Variants in CSNK1D observed in about 807,000 individuals in gnomAD.
The protein encoded by CSNK1D is casein kinase 1 delta, also known as casein kinase I isoform delta.
CSNK1D carries 16 observed loss-of-function variants against 46.6 expected under a neutral mutation model. That is an observed-to-expected ratio of 0.34 (90% CI 0.23 to 0.52). The LOEUF is 0.52. Among genes scored for constraint, CSNK1D ranks in the 20% least tolerant of loss-of-function variants. The pLI, the probability that CSNK1D is intolerant of heterozygous loss-of-function variation, is 0.95. For synonymous variants in CSNK1D, 276 were observed against 228.2 expected, an observed-to-expected ratio of 1.21 and a Z score of -1.89; for missense variants, 398 against 578.4, an observed-to-expected ratio of 0.69 and a Z score of 3.20.
In CSNK1D at chr17:82,248,553, T is replaced by C. The variant is rs1384388698; in HGVS notation, c.1197+322A>G. The stretch of plus-strand genomic sequence containing the variant: ...CAATGGGGCGCAAGCAGGCGAGCGG[T>C]GTCAGCTGCCTGGGGACGGCTGCGG... On this transcript the variant is annotated intron_variant, in intron 8 of 8. Transcript: ENST00000314028. This position sits in a 1 kb window ranked among gnomAD's most constrained non-coding sequence, Gnocchi z 4.1. 2.5e-6 allele frequency: 3 copies of C among 1,191,784 alleles called. No individual in the cohort carries two copies. The highest frequency in any genetic ancestry group is 1.1e-4 in the East Asian group (2 of 18,772). The allele number at this position is 1,191,784 out of a possible 1,614,324, so 73.8% of individuals were successfully genotyped here.
chr17:82,271,858 AC>A (rs1452819332), intron 1 of CSNK1D, among the ~76,000 whole-genome samples: 1 of 152,168 alleles, frequency 6.6e-6, no homozygotes, highest in Admixed American at 6.5e-5. Flanking sequence ...GGGATTCCTG[AC>A]CCTAGCTGAC....
chr17:82,240,081 G>A (rs1024960066), downstream of CSNK1D: 29 of 1,233,402 alleles, frequency 2.4e-5, no homozygotes, highest in African/African-American at 9.3e-5. Flanking sequence ...AAAAGCAAGC[G>A]AAAAGTGCAC....
At chr17:82,256,383 C>T (rs560940893) in intron 2 of CSNK1D, among the ~76,000 whole-genome samples, 18 of 152,040 alleles carry the variant, frequency 1.2e-4, no homozygotes, top group Middle Eastern at 3.4e-3. Flanking sequence ...TGTGGTGGCA[C>T]GCTTCTGTGG....
At chr17:82,260,577 T>C (rs1035882468) in intron 2 of CSNK1D, among the ~76,000 whole-genome samples, 2 of 147,764 alleles carry the variant, frequency 1.4e-5, no homozygotes, top group African/African-American at 2.5e-5. Context: ...GTGATGGGAC[T>C]GATGGTGTAC....
At chr17:82,260,899 G>C (rs1382418694) in intron 2 of CSNK1D, 2 of 155,068 alleles carry the variant, frequency 1.3e-5, no homozygotes, top group African/African-American at 4.8e-5. Context: ...TCTTTAACAG[G>C]GGTCCTGCTG....
rs1327043892 is a variant in CSNK1D at position 82,243,612 on chromosome 17, G to A, written c.*1169C>T. The A allele has an allele frequency of 3.0e-5, 30 of 985,394 alleles. No homozygotes were observed. The highest frequency in any genetic ancestry group is 1.1e-4 in the East Asian group (1 of 8,830). 61.0% of individuals were successfully genotyped at this position (985,394 alleles called of 1,614,324 possible). A position where few individuals can be genotyped will look rare whatever the true frequency, so the allele number is the denominator to read the frequency against. On this transcript the variant is annotated 3_prime_UTR_variant, in exon 9 of 9. Coordinates refer to ENST00000314028, the MANE Select transcript of CSNK1D (RefSeq NM_001893.6). ...TTCTGGCCGTGAAGGTTCTGGGTCCGGTTGGGAGAGTCACCTGCTCCTTGG... is the reference window on the plus strand; with the variant it reads ...TTCTGGCCGTGAAGGTTCTGGGTCCAGTTGGGAGAGTCACCTGCTCCTTGG...
chr17:82,240,776 G>A (rs113586113), downstream of CSNK1D, among the ~76,000 whole-genome samples: 2,319 of 152,306 alleles, frequency 0.015, 50 homozygotes, highest in African/African-American at 0.052. Context: ...AGGCAGCCAC[G>A]CTTGGTTGGG....
At position 82,252,998 on chromosome 17, in the gene CSNK1D, C is replaced by T. The variant is rs1426283454; in HGVS notation, c.565+18G>A. Reference sequence around the variant, plus strand: ...CCAAAGGCACCCCAGGTCAGTGACCCCATGCCCAGGGGCTCACCAATTCCA... The same window carrying T: ...CCAAAGGCACCCCAGGTCAGTGACCTCATGCCCAGGGGCTCACCAATTCCA... On this transcript the variant is annotated intron_variant, in intron 4 of 8. Transcript: ENST00000314028. The surrounding 1 kb of genome is among the most constrained non-coding windows in gnomAD (Gnocchi z 4.6). 6.2e-7 allele frequency: 1 copy of T among 1,611,346 alleles called. No individual in the cohort carries two copies. Among genetic ancestry groups the T allele is most frequent in the Admixed American group, 1.7e-5 (1 of 60,002 alleles).
chr17:82,240,797 G>C (rs893516459), downstream of CSNK1D, among the ~76,000 whole-genome samples: 1 of 152,176 alleles, frequency 6.6e-6, no homozygotes, highest in Non-Finnish European at 1.5e-5. Context: ...GGCACAGGAC[G>C]TGTGGGGGCT....
chr17:82,254,834 AGCCGCCGGGGCCTCGAGAAGCCAGTGT>A (rs2051126533), intron 3 of CSNK1D, among the ~76,000 whole-genome samples: 3 of 121,032 alleles, frequency 2.5e-5, no homozygotes, highest in Non-Finnish European at 3.3e-5. Context: ...CAGTCAGCTG[AGCCGCCGGGGCCTCGAGAAGCCAGTGT>A]GCTGAGCCGC....
Position 82,252,427 on chromosome 17 carries a change from G to A in CSNK1D, c.736+7C>T. 1.2e-6 allele frequency: 2 copies of A among 1,614,076 alleles called. No individual in the cohort carries two copies. The highest frequency in any genetic ancestry group is 1.7e-6 in the Non-Finnish European group (2 of 1,179,984). On this transcript the variant is annotated splice_region_variant and intron_variant, in intron 5 of 8. Transcript: ENST00000314028. The surrounding 1 kb of genome is among the most constrained non-coding windows in gnomAD (Gnocchi z 4.6). Reference sequence around the variant, plus strand: ...GCTCCGCTGAGAAGAGGCCTCCAGAGACTTACAAGGGTAGCCTTTACACAA... The same window carrying A: ...GCTCCGCTGAGAAGAGGCCTCCAGAAACTTACAAGGGTAGCCTTTACACAA...
intron 3 of CSNK1D, among the ~76,000 whole-genome samples, chr17:82,254,893 C>G (rs9747923): frequency 0.11 from 9,786 of 91,760 alleles, 1,280 homozygotes; most frequent in East Asian, 0.21. Flanking sequence ...AGAAGCCAGT[C>G]AGCTGAGCCG....
chr17:82,244,698 G>A lies in CSNK1D; in HGVS notation c.*83C>T. 1 of 1,608,732 alleles carries A rather than the reference G, an allele frequency of 6.2e-7. No individual in the cohort carries two copies. The highest frequency in any genetic ancestry group is 8.5e-7 in the Non-Finnish European group (1 of 1,179,044). On this transcript the variant is annotated 3_prime_UTR_variant, in exon 9 of 9. Transcript: ENST00000314028. ...GTGTTAACATTTCGATCCTAGACCG[G>A]GGGACGTGTCACTAGTAAAGCCATT...
At position 82,248,748 on chromosome 17, in the gene CSNK1D, C is replaced by T. The variant is rs764911172; in HGVS notation, c.1197+127G>A. 149 of 1,510,560 alleles carry T rather than the reference C, an allele frequency of 9.9e-5. No individual in the cohort carries two copies. Among genetic ancestry groups the T allele is most frequent in the Middle Eastern group, 5.1e-4 (3 of 5,884 alleles). The allele number at this position is 1,510,560 out of a possible 1,614,324, so 93.6% of individuals were successfully genotyped here. A position where few individuals can be genotyped will look rare whatever the true frequency, so the allele number is the denominator to read the frequency against. Reference sequence around the variant, plus strand: ...CTGCAACCAAGACGCCACACCCTGGCGAGATTAAAAACTCTCAAAAATGGG... The same window carrying T: ...CTGCAACCAAGACGCCACACCCTGGTGAGATTAAAAACTCTCAAAAATGGG... On this transcript the variant is annotated intron_variant, in intron 8 of 8. Transcript: ENST00000314028. This position sits in a 1 kb window ranked among gnomAD's most constrained non-coding sequence, Gnocchi z 4.1.
At position 82,262,526 on chromosome 17, in the gene CSNK1D, T is replaced by C. The variant is rs117724003; in HGVS notation, c.187+3160A>G. Among the ~76,000 whole-genome samples, 3 of 152,318 alleles carry C rather than the reference T, an allele frequency of 2.0e-5. No individual in the cohort carries two copies. The East Asian group carries it at 5.8e-4, about 29-fold the overall frequency. ...TCAAGCAAACGTAAAGATCAGAACC[T>C]GGCACCACCACTTGACTTTCACGTG... On this transcript the variant is annotated intron_variant, in intron 2 of 8. Coordinates refer to ENST00000314028, the MANE Select transcript of CSNK1D (RefSeq NM_001893.6).
intron 1 of CSNK1D, among the ~76,000 whole-genome samples, chr17:82,272,528 C>T (rs1599628454): frequency 6.6e-6 from 1 of 152,222 alleles, no homozygotes; most frequent in South Asian, 2.1e-4. Flanking sequence ...ACTACCTCAT[C>T]TGCCTCTCAT....
intron 8 of CSNK1D, 82 bp from the exon 9 acceptor site, chr17:82,244,913 C>A: frequency 1.3e-6 from 2 of 1,589,984 alleles, no homozygotes; most frequent in Non-Finnish European, 8.6e-7. Context: ...CGGTGCTGGG[C>A]AGGGAGGGGA....
chr17:82,267,283 T>C (rs1290488690), intron 1 of CSNK1D, among the ~76,000 whole-genome samples: 3 of 152,104 alleles, frequency 2.0e-5, no homozygotes, highest in African/African-American at 7.2e-5. Flanking sequence ...ATGAGAGTTG[T>C]GGAGATGAAT....
chr17:82,239,792 T>C (rs1378895806), downstream of CSNK1D: 3 of 398,314 alleles, frequency 7.5e-6, no homozygotes, highest in Non-Finnish European at 1.3e-5. Flanking sequence ...CTTCCCTTTT[T>C]CGCCCCTCTG....
Sources: gnomAD v4.1 joint callset for allele counts (sites outside exome capture counted in the v4.1 genomes callset) on GRCh38, gnomAD v4.1.1 for gene constraint, Gnocchi (gnomAD v3.1) non-coding constraint, MANE v1.5 for transcripts, NCBI Gene and HGNC (gene_info 2026-07-23, HGNC 2026-07-21) for gene names.